DBNDD1: variants seen among roughly 807,000 people sequenced by gnomAD.
DBNDD1 encodes dysbindin domain-containing protein 1.
DBNDD1 carries 14 observed loss-of-function variants against 17.0 expected under a neutral mutation model. The ratio of observed to expected loss-of-function variants is 0.82; its 90% CI spans 0.54 to 1.29. The LOEUF (loss-of-function observed/expected upper bound fraction) is 1.29. Ranked by LOEUF, DBNDD1 falls within the 50% of genes most tolerant of loss-of-function variation. DBNDD1 has a pLI of 0.00. For missense variants in DBNDD1, 221 were observed against 216.2 expected, an observed-to-expected ratio of 1.02 and a Z score of -0.14; for synonymous variants, 105 against 102.0, an observed-to-expected ratio of 1.03 and a Z score of -0.18.
intron 1 of DBNDD1, chr16:90,010,025 A>C: frequency 6.2e-7 from 1 of 1,614,148 alleles, no homozygotes; most frequent in South Asian, 1.1e-5. Context: ...AGTTGAGCAA[A>C]TATTCTTCCA....
rs2035421743 is a variant in DBNDD1 at position 90,006,296 on chromosome 16, G to C, written c.*39C>G. 1.3e-6 allele frequency: 2 copies of C among 1,576,980 alleles called. No individual in the cohort carries two copies. The highest frequency in any genetic ancestry group is 8.6e-7 in the Non-Finnish European group (1 of 1,161,188). ...CTGCCCAGATCTGCCATCGTGTTCG[G>C]ACCCCATCCCTGCAGGAGCTGGGGC... On this transcript the variant is annotated 3_prime_UTR_variant, in exon 4 of 4. Coordinates refer to ENST00000002501, the MANE Select transcript of DBNDD1 (RefSeq NM_001042610.3).
chr16:90,015,379 C>G lies in DBNDD1; in HGVS notation c.31+3932G>C, dbSNP rs186039285. On this transcript the variant is annotated intron_variant, in intron 1 of 3. Transcript: ENST00000002501. ...GCTCGTGGGTCCTCAAATGACTGAG[C>G]CTACTGTGTAATACATGCAGCATAC... Among the ~76,000 whole-genome samples the G allele has an allele frequency of 4.3e-4, 66 of 152,278 alleles. 1 individual carries two copies. The highest frequency in any genetic ancestry group is 1.4e-3 in the African/African-American group (58 of 41,558).
chr16:90,009,115 A>T (rs2035500186), intron 2 of DBNDD1, 169 bp downstream of exon 2: 1 of 1,225,440 alleles, frequency 8.2e-7, no homozygotes, highest in East Asian at 2.6e-5. Flanking sequence ...TTCACTTGAC[A>T]GATGGTGCAG....
intron 3 of DBNDD1, 47 bp downstream of exon 3, chr16:90,008,737 C>T (rs776781154): frequency 6.4e-7 from 1 of 1,566,384 alleles, no homozygotes; most frequent in East Asian, 2.3e-5. Flanking sequence ...CAAGGGGCCT[C>T]AGCCCACCAG....
rs59831191 is a variant in DBNDD1 at position 90,013,262 on chromosome 16, T to TAAAAAAAAA, written c.32-3841_32-3833dup. Among the ~76,000 whole-genome samples the TAAAAAAAAA allele has an allele frequency of 8.1e-3, 397 of 49,126 alleles. 84 individuals are homozygous for TAAAAAAAAA. Among genetic ancestry groups the TAAAAAAAAA allele is most frequent in the South Asian group, 0.067 (63 of 944 alleles). 32.2% of individuals were successfully genotyped at this position (49,126 alleles called of 152,430 possible). ...TGAGCAACAGAGCGAAACCTTGCCT[T>TAAAAAAAAA]AAAAAAAAAAAAAAAAAAAAAGACA... On this transcript the variant is annotated intron_variant, in intron 1 of 3. Transcript: ENST00000002501.
At position 90,019,349 on chromosome 16, in the gene DBNDD1, G is replaced by T; in HGVS notation, c.-8C>A. 8.2e-7 allele frequency: 1 copy of T among 1,217,004 alleles called. No homozygotes were observed. Among genetic ancestry groups the T allele is most frequent in the East Asian group, 3.3e-5 (1 of 30,528 alleles). 75.4% of individuals were successfully genotyped at this position (1,217,004 alleles called of 1,614,324 possible). ...GCCCTCCGGGGGCTCCATGCGGCCG[G>T]TGCGGTCTGGGAGGGGCACGGGCGA... On this transcript the variant is annotated 5_prime_UTR_variant, in exon 1 of 4. Transcript: ENST00000002501. The surrounding 1 kb of genome is among the most constrained non-coding windows in gnomAD (Gnocchi z 6.1).
intron 1 of DBNDD1, among the ~76,000 whole-genome samples, chr16:90,015,418 T>C (rs1404853852): frequency 1.3e-5 from 2 of 152,184 alleles, no homozygotes; most frequent in Non-Finnish European, 2.9e-5. Flanking sequence ...TATGTGTTCG[T>C]TGACCATATC....
chr16:90,016,378 C>T (rs746536381), intron 1 of DBNDD1, among the ~76,000 whole-genome samples: 2 of 152,222 alleles, frequency 1.3e-5, no homozygotes, highest in Non-Finnish European at 2.9e-5. Context: ...GCTGCTTTTC[C>T]CAGGGTGGGA....
At chr16:90,019,531 C>T (rs1029641590), upstream of DBNDD1, 2 of 156,236 alleles carry the variant, frequency 1.3e-5, no homozygotes, top group African/African-American at 4.9e-5. The surrounding 1 kb of genome is among the most constrained non-coding windows in gnomAD (Gnocchi z 6.1). Flanking sequence ...GGCCCCGGCC[C>T]CCTCCCGGCG....
intron 3 of DBNDD1, 112 bp from the exon 4 acceptor site, chr16:90,006,604 G>GC: frequency 7.4e-7 from 1 of 1,357,492 alleles, no homozygotes; most frequent in Non-Finnish European, 9.9e-7. Flanking sequence ...CTCTGCACCA[G>GC]CCCCCTGCAC....
chr16:90,012,949 G>A (rs2035580201), intron 1 of DBNDD1, among the ~76,000 whole-genome samples: 1 of 151,822 alleles, frequency 6.6e-6, no homozygotes, highest in Admixed American at 6.6e-5. Context: ...TGTTGCCCAG[G>A]CTGGTCTCGA....
At chr16:90,009,188 G>A in intron 2 of DBNDD1, 96 bp downstream of exon 2, 2 of 1,535,692 alleles carry the variant, frequency 1.3e-6, no homozygotes, top group Non-Finnish European at 1.7e-6. Flanking sequence ...AGACCCCCCA[G>A]GGAGTGTTTG....
intron 1 of DBNDD1, among the ~76,000 whole-genome samples, chr16:90,012,621 A>G (rs1477386140): frequency 6.6e-6 from 1 of 151,668 alleles, no homozygotes; most frequent in Non-Finnish European, 1.5e-5. Context: ...CACCATGCCC[A>G]GCTAATTCTG....
At chr16:90,016,934 C>G (rs1454483684) in intron 1 of DBNDD1, among the ~76,000 whole-genome samples, 1 of 152,214 alleles carries the variant, frequency 6.6e-6, no homozygotes, top group East Asian at 1.9e-4. Flanking sequence ...CCAGCACCTT[C>G]CTCTCTGGAT....
intron 1 of DBNDD1, among the ~76,000 whole-genome samples, chr16:90,013,862 G>C (rs1173305500): frequency 6.6e-6 from 1 of 151,776 alleles, no homozygotes; most frequent in Non-Finnish European, 1.5e-5. Flanking sequence ...GGCATCTGGG[G>C]AGGGTGCTCT....
intron 1 of DBNDD1, chr16:90,009,635 C>T: frequency 1.4e-6 from 1 of 734,688 alleles, no homozygotes; most frequent in Non-Finnish European, 2.2e-6. Flanking sequence ...GCTCCTTCCC[C>T]TTGGGCCCTG....
At chr16:90,011,142 C>T (rs1016233553) in intron 1 of DBNDD1, among the ~76,000 whole-genome samples, 1 of 152,252 alleles carries the variant, frequency 6.6e-6, no homozygotes, top group Non-Finnish European at 1.5e-5. Context: ...TTTTTGGCAG[C>T]CCCCAGCGGT....
chr16:90,005,677 G>T lies in DBNDD1; in HGVS notation c.*658C>A. On this transcript the variant is annotated 3_prime_UTR_variant, in exon 4 of 4. Coordinates refer to ENST00000002501, the MANE Select transcript of DBNDD1 (RefSeq NM_001042610.3). ...AGGGAATGGACTTGTCTGTCACGCA[G>T]GGGCCAAGAGAAGCAGGTGCAGGTC... 6.5e-6 allele frequency: 1 copy of T among 152,708 alleles called. No individual in the cohort carries two copies. 9.5% of individuals were successfully genotyped at this position (152,708 alleles called of 1,614,324 possible). A position where few individuals can be genotyped will look rare whatever the true frequency, so the allele number is the denominator to read the frequency against.
Position 90,009,176 on chromosome 16 carries a change from C to A in DBNDD1, c.178+108G>T, listed in dbSNP as rs1019211971. 57 of 1,495,134 alleles carry A rather than the reference C, an allele frequency of 3.8e-5. No individual in the cohort carries two copies. In the African/African-American group the frequency reaches 7.8e-4, roughly 20 times the overall value. 92.6% of individuals were successfully genotyped at this position (1,495,134 alleles called of 1,614,324 possible). On this transcript the variant is annotated intron_variant, in intron 2 of 3. Transcript: ENST00000002501. ...AAGAGCCTAGCACACAGCGCCGGACCTAGACCCCCCAGGGAGTGTTTGGAC... is the reference window on the plus strand; with the variant it reads ...AAGAGCCTAGCACACAGCGCCGGACATAGACCCCCCAGGGAGTGTTTGGAC...
Sources: allele counts gnomAD v4.1 joint callset (sites outside exome capture counted in the v4.1 genomes callset), GRCh38; gene constraint gnomAD v4.1.1; non-coding constraint Gnocchi (gnomAD v3.1); transcripts MANE v1.5; gene names NCBI Gene and HGNC (gene_info 2026-07-23, HGNC 2026-07-21).